Variants in ZNRF3 observed in about 807,000 individuals in gnomAD.
The protein encoded by ZNRF3 is E3 ubiquitin-protein ligase ZNRF3.
ZNRF3 carries 23 observed loss-of-function variants against 72.5 expected under a neutral mutation model. The ratio of observed to expected loss-of-function variants is 0.32; its 90% CI spans 0.23 to 0.45. ZNRF3 has a LOEUF of 0.45. Among genes scored for constraint, ZNRF3 ranks in the 20% least tolerant of loss-of-function variants. The pLI, the probability that ZNRF3 is intolerant of heterozygous loss-of-function variation, is 1.00. For synonymous variants in ZNRF3, 610 were observed against 545.3 expected, an observed-to-expected ratio of 1.12 and a Z score of -1.65; for missense variants, 1,169 against 1,272.1, an observed-to-expected ratio of 0.92 and a Z score of 1.23.
intron 2 of ZNRF3, among the ~76,000 whole-genome samples, chr22:29,028,945 C>A (rs1367862304): frequency 2.0e-5 from 3 of 152,210 alleles, no homozygotes; most frequent in African/African-American, 7.2e-5. Flanking sequence ...TCCCTAAACT[C>A]CCCTAAGATG....
At chr22:28,959,713 G>T (rs1039350373) in intron 1 of ZNRF3, among the ~76,000 whole-genome samples, 4 of 152,224 alleles carry the variant, frequency 2.6e-5, no homozygotes, top group Non-Finnish European at 5.9e-5. Flanking sequence ...TGGTGATGGG[G>T]TCTATGGGAG....
chr22:28,899,689 CTTTCTTTT>C (rs945705679), intron 1 of ZNRF3, among the ~76,000 whole-genome samples: 4 of 140,740 alleles, frequency 2.8e-5, no homozygotes, highest in African/African-American at 1.0e-4. Context: ...TTCTTTCTTT[CTTTCTTTT>C]TTTTTTTTTT....
Position 29,020,251 on chromosome 22 carries a change from T to TTTTA in ZNRF3, c.427-22241_427-22240insATTT, listed in dbSNP as rs1426279573. ...TGTTCAGTACAGACACAACCATCCT[T>TTTTA]TTTTTTTTTTTTTTTTTTTTTTCCC... On this transcript the variant is annotated intron_variant, in intron 2 of 8. Coordinates refer to ENST00000544604, the MANE Select transcript of ZNRF3 (RefSeq NM_001206998.2). 3.3e-4 allele frequency among the ~76,000 whole-genome samples: 34 copies of TTTTA among 104,510 alleles called. 1 individual carries two copies. The highest frequency in any genetic ancestry group is 9.4e-5 in the African/African-American group (2 of 21,308). 68.6% of individuals were successfully genotyped at this position (104,510 alleles called of 152,430 possible).
At chr22:28,920,550 C>T (rs1275004366) in intron 1 of ZNRF3, among the ~76,000 whole-genome samples, 2 of 152,116 alleles carry the variant, frequency 1.3e-5, no homozygotes, top group Non-Finnish European at 2.9e-5. Context: ...GGATTACAGG[C>T]GTGAGCCACA....
chr22:28,983,334 G>A (rs1276547588), intron 1 of ZNRF3, among the ~76,000 whole-genome samples: 1 of 140,774 alleles, frequency 7.1e-6, no homozygotes, highest in African/African-American at 2.9e-5. Context: ...AGGGACCCCT[G>A]GGTGTGTTTG....
chr22:28,893,095 A>G (rs2033922024), intron 1 of ZNRF3, among the ~76,000 whole-genome samples: 1 of 151,260 alleles, frequency 6.6e-6, no homozygotes, highest in Non-Finnish European at 1.5e-5. Context: ...TGAACCCGGC[A>G]GGTGGAGCTT....
chr22:28,978,711 C>T (rs1337180754), intron 1 of ZNRF3, among the ~76,000 whole-genome samples: 2 of 150,090 alleles, frequency 1.3e-5, no homozygotes, highest in African/African-American at 4.8e-5. Context: ...ACCTTCACCA[C>T]CCCTGATTGC....
In ZNRF3 at chr22:29,056,827, T is replaced by C. The variant is rs1426846410; in HGVS notation, c.*3205T>C. 2.6e-5 allele frequency: 4 copies of C among 152,236 alleles called. No individual in the cohort carries two copies. The allele number at this position is 152,236 out of a possible 1,614,324, so 9.4% of individuals were successfully genotyped here. On this transcript the variant is annotated 3_prime_UTR_variant, in exon 9 of 9. Coordinates refer to ENST00000544604, the MANE Select transcript of ZNRF3 (RefSeq NM_001206998.2). ...TTTAACTCTCAGCTCCTTCCCTGTC[T>C]CCTCCTAATCCAAGCCCTTTTATAA...
chr22:28,890,558 C>G (rs1287264063), intron 1 of ZNRF3, among the ~76,000 whole-genome samples: 2 of 152,044 alleles, frequency 1.3e-5, no homozygotes, highest in Non-Finnish European at 2.9e-5. Flanking sequence ...GGCAGGGTAC[C>G]TGGCATAAGA....
chr22:29,002,346 T>C (rs2036162678), intron 2 of ZNRF3, among the ~76,000 whole-genome samples: 2 of 152,186 alleles, frequency 1.3e-5, no homozygotes, highest in Non-Finnish European at 2.9e-5. Context: ...GGGCCTGATT[T>C]CTTATGGGCT....
chr22:28,917,584 C>A, intron 1 of ZNRF3: 1 of 330,094 alleles, frequency 3.0e-6, no homozygotes, highest in Non-Finnish European at 4.3e-6. Context: ...TGCCTATAGT[C>A]CCAGCTACTT....
chr22:29,013,608 A>G (rs187417326), intron 2 of ZNRF3, among the ~76,000 whole-genome samples: 3 of 152,330 alleles, frequency 2.0e-5, no homozygotes, highest in South Asian at 2.1e-4. Flanking sequence ...TTACAGTTAC[A>G]GCTAATTTAA....
chr22:28,943,068 T>G (rs1287725268), intron 1 of ZNRF3, among the ~76,000 whole-genome samples: 1 of 152,234 alleles, frequency 6.6e-6, no homozygotes, highest in Non-Finnish European at 1.5e-5. Flanking sequence ...AATGCTATTT[T>G]AAGTGTTTCT....
Position 28,906,727 on chromosome 22 carries a change from A to G in ZNRF3, c.300+22661A>G, listed in dbSNP as rs10427930. On this transcript the variant is annotated intron_variant, in intron 1 of 8. Transcript: ENST00000544604. ...CCTATTAGAAGACGACTTGGCAGCT[A>G]CAATAGAGAGACGTGCTGGTGCTGA... Among the ~76,000 whole-genome samples, 41 of 152,352 alleles carry G rather than the reference A, an allele frequency of 2.7e-4. 1 individual carries two copies. The East Asian group carries it at 4.4e-3, about 16-fold the overall frequency.
chr22:28,967,925 CAAAA>C (rs371787941), intron 1 of ZNRF3, among the ~76,000 whole-genome samples: 10 of 70,612 alleles, frequency 1.4e-4, no homozygotes, highest in Admixed American at 3.2e-4. Flanking sequence ...CACCGTGTCT[CAAAA>C]AAAAAAAAAA....
At chr22:28,979,961 A>C (rs746705874) in intron 1 of ZNRF3, among the ~76,000 whole-genome samples, 1 of 152,276 alleles carries the variant, frequency 6.6e-6, no homozygotes, top group African/African-American at 2.4e-5. Context: ...AGGGCAAAGC[A>C]TTCAAGGCAA....
intron 1 of ZNRF3, among the ~76,000 whole-genome samples, chr22:28,907,097 C>T (rs2034221719): frequency 6.6e-6 from 1 of 151,806 alleles, no homozygotes; most frequent in South Asian, 2.1e-4. Context: ...ATTCTCCTGC[C>T]TCAGCCTCCC....
intron 1 of ZNRF3, chr22:28,986,682 A>G (rs2035859698): frequency 1.0e-6 from 1 of 981,100 alleles, no homozygotes; most frequent in Non-Finnish European, 1.2e-6. Context: ...GAAGCCAAAC[A>G]ATCTTGGATA....
At chr22:28,931,837 C>T (rs1569250350) in intron 1 of ZNRF3, among the ~76,000 whole-genome samples, 1 of 152,208 alleles carries the variant, frequency 6.6e-6, no homozygotes, top group Non-Finnish European at 1.5e-5. Context: ...TTCCACTGGG[C>T]TAGACATGTA....
Sources: allele counts gnomAD v4.1 joint callset (sites outside exome capture counted in the v4.1 genomes callset), GRCh38; gene constraint gnomAD v4.1.1; transcripts MANE v1.5; gene names NCBI Gene and HGNC (gene_info 2026-07-23, HGNC 2026-07-21).